The following APBA1 variants were observed in gnomAD, a reference collection of about 807,000 sequenced individuals.
APBA1 encodes amyloid-beta A4 precursor protein-binding family A member 1.
In APBA1, 55 loss-of-function variants were observed where a neutral mutation model predicts 86.6. The observed-to-expected ratio is 0.64, with a 90% CI of 0.51 to 0.80. The LOEUF (loss-of-function observed/expected upper bound fraction) is 0.80. Ranked by LOEUF, APBA1 falls within the 30% of genes least tolerant of loss-of-function variation. The probability of loss-of-function intolerance (pLI) is 0.00; values close to 1 mark genes in which losing one functional copy is unlikely to be tolerated. For synonymous variants in APBA1, 511 were observed against 493.9 expected (o/e 1.03, Z -0.46); for missense variants, 1,090 against 1,183.0 (o/e 0.92, Z 1.15).
At chr9:69,639,261 G>A (rs1488288956) in intron 1 of APBA1, among the ~76,000 whole-genome samples, 1 of 152,174 alleles carries the variant, frequency 6.6e-6, no homozygotes, top group Non-Finnish European at 1.5e-5. Context: ...CTGTTGTACT[G>A]AATTTGAATG....
intron 8 of APBA1, among the ~76,000 whole-genome samples, chr9:69,453,486 G>A (rs1835045660): frequency 1.3e-5 from 2 of 152,194 alleles, no homozygotes; most frequent in African/African-American, 4.8e-5. Flanking sequence ...GAGCAACTGA[G>A]CACTTCTCAT....
chr9:69,636,918 GGAAGGAAAGAAAGAAAGAAAGAAA>G (rs1564098934), intron 1 of APBA1, among the ~76,000 whole-genome samples: 7 of 84,890 alleles, frequency 8.2e-5, no homozygotes, highest in African/African-American at 3.4e-4. Flanking sequence ...AAGGAAGGAA[GGAAGGAAAGAAAGAAAGAAAGAAA>G]GAAAGAAAGA....
chr9:69,614,419 A>G (rs187218890), intron 1 of APBA1, among the ~76,000 whole-genome samples: 40 of 152,340 alleles, frequency 2.6e-4, no homozygotes, highest in African/African-American at 8.2e-4. Flanking sequence ...TCCTTAAATT[A>G]CATTTATGGG....
At position 69,561,885 on chromosome 9, in the gene APBA1, C is replaced by T. The variant is rs72719027; in HGVS notation, c.-69-44606G>A. Among the ~76,000 whole-genome samples the T allele has an allele frequency of 7.3e-3, 1,116 of 152,178 alleles. 7 individuals carry two copies. The highest frequency in any genetic ancestry group is 0.013 in the Non-Finnish European group (869 of 68,020). On this transcript the variant is annotated intron_variant, in intron 1 of 12. Transcript: ENST00000265381. ...CAGGTGATCCGCCCATCTCGGTTTC[C>T]CAAAGTACTGGGATTACAGGCATGA...
At chr9:69,594,272 G>C (rs1487376882) in intron 1 of APBA1, among the ~76,000 whole-genome samples, 3 of 152,162 alleles carry the variant, frequency 2.0e-5, no homozygotes, top group Non-Finnish European at 4.4e-5. Context: ...AGATTATGAT[G>C]CAGTAGGTTT....
intron 1 of APBA1, among the ~76,000 whole-genome samples, chr9:69,608,915 T>C (rs1301235011): frequency 1.3e-5 from 2 of 152,220 alleles, no homozygotes; most frequent in Non-Finnish European, 2.9e-5. Context: ...CATAATCTAA[T>C]AACCATCACT....
intron 1 of APBA1, among the ~76,000 whole-genome samples, chr9:69,558,827 A>T (rs986792691): frequency 4.6e-5 from 7 of 152,110 alleles, no homozygotes; most frequent in Non-Finnish European, 8.8e-5. Context: ...GGCAACATAC[A>T]GTATTTGATT....
rs1364823893 is a variant in APBA1 at position 69,467,909 on chromosome 9, G to T, written c.1396C>A (p.Leu466Ile). ...IDGIIFAANY[L>I]GSTQLLSDKT... ...TCTGAGAGCAGCTGAGTGGAGCCAA[G>T]GTAATTGGCGGCAAAAATGATTCCA... The change falls in exon 5 of 13, where the codon CTT (leucine) becomes ATT (isoleucine). Residue 466 changes from leucine (L) to isoleucine (I), a missense_variant. Around this residue, in one of 6 missense-constraint regions of APBA1, gnomAD observed 76 missense variants for 122.2 expected, o/e 0.62. Transcript: ENST00000265381. 6.2e-7 allele frequency: 1 copy of T among 1,614,042 alleles called. No individual in the cohort carries two copies. The highest frequency in any genetic ancestry group is 1.7e-5 in the Admixed American group (1 of 59,994).
Position 69,608,317 on chromosome 9 carries a change from G to A in APBA1, c.-70+63836C>T, listed in dbSNP as rs182734382. Among the ~76,000 whole-genome samples the A allele has an allele frequency of 5.8e-4, 88 of 152,276 alleles. 1 individual carries two copies. The highest frequency in any genetic ancestry group is 3.4e-3 in the Middle Eastern group (1 of 294). On this transcript the variant is annotated intron_variant, in intron 1 of 12. Transcript: ENST00000265381. ...GTGATAAACTAATGCACCCGTACCA[G>A]ATTAGGTACATCTTAATCCATCTGG...
chr9:69,486,863 T>C (rs1031103746), intron 2 of APBA1, among the ~76,000 whole-genome samples: 1 of 104,196 alleles, frequency 9.6e-6, no homozygotes, highest in African/African-American at 3.4e-5. Context: ...TTTTTTTTTC[T>C]TCTTTTCTTT....
intron 1 of APBA1, among the ~76,000 whole-genome samples, chr9:69,628,423 G>A (rs1822974492): frequency 6.6e-6 from 1 of 152,142 alleles, no homozygotes; most frequent in Non-Finnish European, 1.5e-5. Flanking sequence ...TACACTATGA[G>A]AAGAAATAAA....
chr9:69,530,356 A>ACG (rs1394208244), intron 1 of APBA1, among the ~76,000 whole-genome samples: 3 of 149,964 alleles, frequency 2.0e-5, no homozygotes, highest in South Asian at 2.1e-4. Flanking sequence ...ACACACACAC[A>ACG]CATGCAACAC....
intron 1 of APBA1, among the ~76,000 whole-genome samples, chr9:69,624,733 A>G (rs2133992723): frequency 6.6e-6 from 1 of 152,328 alleles, no homozygotes; most frequent in East Asian, 1.9e-4. Flanking sequence ...TTGGTTCTTG[A>G]GCAAGGGTTT....
At chr9:69,588,974 A>G (rs1014411933) in intron 1 of APBA1, among the ~76,000 whole-genome samples, 8 of 152,138 alleles carry the variant, frequency 5.3e-5, no homozygotes, top group African/African-American at 1.9e-4. Context: ...TTTGTTTTCG[A>G]GACAGGGTCT....
At chr9:69,548,680 G>A (rs1255424243) in intron 1 of APBA1, among the ~76,000 whole-genome samples, 1 of 152,226 alleles carries the variant, frequency 6.6e-6, no homozygotes, top group Admixed American at 6.5e-5. Context: ...CCCTGGAAGA[G>A]AAAGAACATG....
chr9:69,641,017 C>T (rs1253354018), intron 1 of APBA1, among the ~76,000 whole-genome samples: 2 of 151,756 alleles, frequency 1.3e-5, no homozygotes, highest in Admixed American at 6.6e-5. Flanking sequence ...TTGGTTTCTT[C>T]ATTTGCAGAT....
intron 1 of APBA1, among the ~76,000 whole-genome samples, chr9:69,579,624 A>G (rs1282179465): frequency 2.0e-5 from 3 of 152,214 alleles, no homozygotes; most frequent in Admixed American, 1.3e-4. Context: ...GGGGCTGGGG[A>G]ATCAAACCCA....
In APBA1 at chr9:69,427,948, C is replaced by T. The variant is rs1000831305; in HGVS notation, c.*3379G>A. 1 of 152,178 alleles carries T rather than the reference C, an allele frequency of 6.6e-6. No individual in the cohort carries two copies. Among genetic ancestry groups the T allele is most frequent in the Non-Finnish European group, 1.5e-5 (1 of 68,040 alleles). 9.4% of individuals were successfully genotyped at this position (152,178 alleles called of 1,614,324 possible). A position where few individuals can be genotyped will look rare whatever the true frequency, so the allele number is the denominator to read the frequency against. On this transcript the variant is annotated 3_prime_UTR_variant, in exon 13 of 13. Transcript: ENST00000265381. ...TGTGCTAAGTATGTACAAGAAATGT[C>T]ATTCCCACACAGTCCTCACACACTG... is the stretch of plus-strand genomic sequence containing the variant.
chr9:69,574,026 C>T (rs558320487), intron 1 of APBA1, among the ~76,000 whole-genome samples: 2 of 152,276 alleles, frequency 1.3e-5, no homozygotes, highest in East Asian at 3.9e-4. Flanking sequence ...TTTTGTCCTA[C>T]AAAAATAGTA....
Sources: gnomAD v4.1 joint callset for allele counts (sites outside exome capture counted in the v4.1 genomes callset) on GRCh38, gnomAD v4.1.1 for gene constraint, gnomAD v4.1.1 regional missense constraint, MANE v1.5 for transcripts, NCBI Gene and HGNC (gene_info 2026-07-23, HGNC 2026-07-21) for gene names.